DLGAP4: variants seen among roughly 807,000 people sequenced by gnomAD.
DLGAP4 encodes the protein DLG associated protein 4.
DLGAP4 carries 18 observed loss-of-function variants against 86.9 expected under a neutral mutation model. That is an observed-to-expected ratio of 0.21 (90% CI 0.14 to 0.31). The LOEUF is 0.31. DLGAP4 is among the 10% of genes least tolerant of loss of function. The pLI, the probability that DLGAP4 is intolerant of heterozygous loss-of-function variation, is 1.00. For missense variants in DLGAP4, 1,085 were observed against 1,362.6 expected (o/e 0.80, Z 3.21); for synonymous variants, 548 against 574.3 (o/e 0.95, Z 0.65).
intron 2 of DLGAP4, among the ~76,000 whole-genome samples, chr20:36,425,686 T>C (rs929107382): frequency 2.7e-5 from 4 of 150,778 alleles, no homozygotes; most frequent in Admixed American, 2.0e-4. Context: ...CCAGGTGCAG[T>C]GGCGGGCACC....
intron 1 of DLGAP4, among the ~76,000 whole-genome samples, chr20:36,335,292 A>G (rs2065310494): frequency 6.6e-6 from 1 of 152,092 alleles, no homozygotes; most frequent in South Asian, 2.1e-4. Context: ...TTGATTTGTA[A>G]ATGGACCTGT....
chr20:36,337,904 T>C (rs1384267495), intron 1 of DLGAP4, among the ~76,000 whole-genome samples: 1 of 152,204 alleles, frequency 6.6e-6, no homozygotes, highest in Admixed American at 6.5e-5. Context: ...TGCCTACCTT[T>C]AGCCTCACCA....
At position 36,351,597 on chromosome 20, in the gene DLGAP4, G is replaced by A. The variant is rs542030046; in HGVS notation, c.-303-15448G>A. 2.8e-4 allele frequency among the ~76,000 whole-genome samples: 43 copies of A among 152,098 alleles called. 1 individual carries two copies. The South Asian group carries it at 8.5e-3, about 30-fold the overall frequency. On this transcript the variant is annotated intron_variant, in intron 1 of 12. Transcript: ENST00000339266. ...TAATTATTTCATTATATATTACAAT[G>A]TAATAATAATAGCATAAAGTGCACA... is the stretch of plus-strand genomic sequence containing the variant.
chr20:36,322,032 G>C (rs4812407), intron 1 of DLGAP4, among the ~76,000 whole-genome samples: 2 of 152,168 alleles, frequency 1.3e-5, no homozygotes, highest in Non-Finnish European at 2.9e-5. Context: ...CTGGCCCTTA[G>C]GGAACTCAAA....
chr20:36,385,468 G>T (rs183343655), intron 2 of DLGAP4, among the ~76,000 whole-genome samples: 52 of 152,258 alleles, frequency 3.4e-4, no homozygotes, highest in Non-Finnish European at 1.6e-4. Context: ...ACCCCAGGAA[G>T]CACAGCAAGA....
chr20:36,401,447 T>C (rs1166496228), intron 2 of DLGAP4, among the ~76,000 whole-genome samples: 1 of 152,244 alleles, frequency 6.6e-6, no homozygotes, highest in Non-Finnish European at 1.5e-5. Flanking sequence ...TGCTTAGCCC[T>C]GGTGTCACCT....
At chr20:36,387,042 T>C (rs537285863) in intron 2 of DLGAP4, among the ~76,000 whole-genome samples, 45 of 152,324 alleles carry the variant, frequency 3.0e-4, no homozygotes, top group African/African-American at 1.1e-3. Flanking sequence ...TGAAGATCTC[T>C]GTGAATATGC....
At chr20:36,525,252 A>C (rs796334861) in intron 11 of DLGAP4, among the ~76,000 whole-genome samples, 68 of 60,534 alleles carry the variant, frequency 1.1e-3, no homozygotes, top group African/African-American at 2.4e-3. Flanking sequence ...AAAAAAAAAA[A>C]AACAAAGAAA....
chr20:36,323,773 T>C (rs1350436710), intron 1 of DLGAP4, among the ~76,000 whole-genome samples: 1 of 152,230 alleles, frequency 6.6e-6, no homozygotes, highest in East Asian at 1.9e-4. Flanking sequence ...ATTAGTTAGA[T>C]TCCCATAAGG....
intron 10 of DLGAP4, among the ~76,000 whole-genome samples, chr20:36,501,943 G>T (rs567044362): frequency 1.3e-5 from 2 of 152,302 alleles, no homozygotes; most frequent in East Asian, 3.9e-4. Context: ...AGGCTTCTAA[G>T]AGAAAACATC....
intron 1 of DLGAP4, among the ~76,000 whole-genome samples, chr20:36,362,161 G>A (rs2030544140): frequency 6.6e-6 from 1 of 151,940 alleles, no homozygotes; most frequent in South Asian, 2.1e-4. Flanking sequence ...TTGGGAGGCT[G>A]AGGCACAAGA....
At chr20:36,521,837 G>T (rs2037397624) in intron 10 of DLGAP4, among the ~76,000 whole-genome samples, 1 of 152,118 alleles carries the variant, frequency 6.6e-6, no homozygotes, top group Admixed American at 6.6e-5. Context: ...ACAATTTCTG[G>T]TAAGTATTCA....
intron 1 of DLGAP4, among the ~76,000 whole-genome samples, chr20:36,364,911 A>G (rs1555894512): frequency 6.6e-6 from 1 of 152,150 alleles, no homozygotes; most frequent in Non-Finnish European, 1.5e-5. Context: ...CCTGGGCAAT[A>G]TAGCGACATT....
chr20:36,392,343 C>T (rs1467350633), intron 2 of DLGAP4, among the ~76,000 whole-genome samples: 1 of 152,134 alleles, frequency 6.6e-6, no homozygotes, highest in Non-Finnish European at 1.5e-5. Context: ...GCCTGTCATT[C>T]ATTCACTCAT....
intron 7 of DLGAP4, among the ~76,000 whole-genome samples, chr20:36,496,475 A>G (rs2035891530): frequency 6.6e-6 from 1 of 152,222 alleles, no homozygotes; most frequent in African/African-American, 2.4e-5. Context: ...CAGTGGTGGC[A>G]TCCCCTCAAG....
At chr20:36,324,009 A>T (rs1422203307) in intron 1 of DLGAP4, among the ~76,000 whole-genome samples, 2 of 152,208 alleles carry the variant, frequency 1.3e-5, no homozygotes, top group Admixed American at 1.3e-4. Context: ...AAAAGTTTTA[A>T]ACTTTGATGA....
Position 36,500,132 on chromosome 20 carries a change from T to C in DLGAP4, c.2100-67T>C. On this transcript the variant is annotated intron_variant, in intron 9 of 12. Coordinates refer to ENST00000339266, the MANE Select transcript of DLGAP4 (RefSeq NM_001365621.2). The surrounding 1 kb of genome is among the most constrained non-coding windows in gnomAD (Gnocchi z 4.6). ...CCCGTGTGTCCGGGTCAAGGCGGCC[T>C]CTGGTCTCTGGCCCTCTTGGTGACT... 1 of 1,488,372 alleles carries C rather than the reference T, an allele frequency of 6.7e-7. No homozygotes were observed. Among genetic ancestry groups the C allele is most frequent in the Non-Finnish European group, 9.0e-7 (1 of 1,111,894 alleles). 92.2% of individuals were successfully genotyped at this position (1,488,372 alleles called of 1,614,324 possible).
chr20:36,328,186 A>C (rs1555891166), intron 1 of DLGAP4, among the ~76,000 whole-genome samples: 1 of 151,918 alleles, frequency 6.6e-6, no homozygotes, highest in Non-Finnish European at 1.5e-5. Context: ...ACAACAGAGC[A>C]AGACTCTGTC....
intron 7 of DLGAP4, among the ~76,000 whole-genome samples, chr20:36,480,983 A>G (rs887641597): frequency 6.6e-6 from 1 of 152,152 alleles, no homozygotes; most frequent in Non-Finnish European, 1.5e-5. Flanking sequence ...TCCAGCCTGG[A>G]TGACAGTGAG....
Sources: allele counts gnomAD v4.1 joint callset (sites outside exome capture counted in the v4.1 genomes callset), GRCh38; gene constraint gnomAD v4.1.1; non-coding constraint Gnocchi (gnomAD v3.1); transcripts MANE v1.5; gene names NCBI Gene and HGNC (gene_info 2026-07-23, HGNC 2026-07-21).